The following TRAPPC9 variants were observed in gnomAD, a reference collection of about 807,000 sequenced individuals.
The protein encoded by TRAPPC9 is IKK2 binding protein.
TRAPPC9 carries 83 observed loss-of-function variants against 124.0 expected under a neutral mutation model. The observed-to-expected ratio is 0.67, with a 90% CI of 0.56 to 0.80. TRAPPC9 has a LOEUF of 0.80. Ranked by LOEUF, TRAPPC9 falls within the 30% of genes least tolerant of loss-of-function variation. The pLI is 0.00. For synonymous variants in TRAPPC9, 638 were observed against 617.5 expected, an observed-to-expected ratio of 1.03 and a Z score of -0.49; for missense variants, 1,302 against 1,508.3, an observed-to-expected ratio of 0.86 and a Z score of 2.27.
chr8:140,458,222 G>C, upstream of TRAPPC9: 1 of 1,550,714 alleles, frequency 6.4e-7, no homozygotes. Context: ...TAGGAGGAAA[G>C]CTTCTGCACC....
chr8:139,867,573 A>C (rs1828632387), intron 21 of TRAPPC9, among the ~76,000 whole-genome samples: 1 of 152,228 alleles, frequency 6.6e-6, no homozygotes, highest in Non-Finnish European at 1.5e-5. Context: ...CAAATGGTGA[A>C]ATAACCATCA....
intron 7 of TRAPPC9, among the ~76,000 whole-genome samples, chr8:140,386,805 G>A (rs909024859): frequency 1.3e-5 from 2 of 152,042 alleles, no homozygotes; most frequent in Non-Finnish European, 2.9e-5. Flanking sequence ...TCACAGAATT[G>A]GAAAAAACTA....
rs975104637 is a variant in TRAPPC9, at chr8:139,968,166, A to C, written c.2810+20560T>G. Reference sequence around the variant, plus strand: ...TCTGTCTCAAAAAAAAAACCAAAAAACAAAACAAAATAAAAAAACAAAAAA... The same window carrying C: ...TCTGTCTCAAAAAAAAAACCAAAAACCAAAACAAAATAAAAAAACAAAAAA... On this transcript the variant is annotated intron_variant, in intron 19 of 22. Transcript: ENST00000438773. Among the ~76,000 whole-genome samples the C allele has an allele frequency of 4.6e-5, 7 of 151,846 alleles. 1 individual carries two copies. Among genetic ancestry groups the C allele is most frequent in the Non-Finnish European group, 1.0e-4 (7 of 67,968 alleles).
chr8:139,896,206 C>T (rs532972451), intron 20 of TRAPPC9, among the ~76,000 whole-genome samples: 75 of 152,314 alleles, frequency 4.9e-4, no homozygotes, highest in Admixed American at 2.3e-3. Flanking sequence ...CTGAAGGCAG[C>T]GATTACAGCC....
At position 139,742,549 on chromosome 8, in the gene TRAPPC9, G is replaced by A. The variant is rs1249787084; in HGVS notation, c.3056-10347C>T. ...ATGCAATCAGGGACCAGGCAAGTCA[G>A]GGGCCACCAGAGAGGGTCAGGACCC... On this transcript the variant is annotated intron_variant, in intron 21 of 22. Transcript: ENST00000438773. This position sits in a 1 kb window ranked among gnomAD's most constrained non-coding sequence, Gnocchi z 4.7. 6.6e-6 allele frequency among the ~76,000 whole-genome samples: 1 copy of A among 152,192 alleles called. No homozygotes were observed. The highest frequency in any genetic ancestry group is 2.4e-5 in the African/African-American group (1 of 41,446).
intron 8 of TRAPPC9, among the ~76,000 whole-genome samples, chr8:140,364,292 CAA>C (rs34616334): frequency 0.032 from 1,718 of 52,976 alleles, 3 homozygotes; most frequent in Non-Finnish European, 0.056. Flanking sequence ...TCAAAGGATG[CAA>C]AAAAAAAAAA....
chr8:140,309,372 C>T (rs1282730080), intron 10 of TRAPPC9, among the ~76,000 whole-genome samples: 1 of 152,246 alleles, frequency 6.6e-6, no homozygotes, highest in Non-Finnish European at 1.5e-5. Context: ...TTCTCTACCA[C>T]GGCCACACAC....
intron 2 of TRAPPC9, among the ~76,000 whole-genome samples, chr8:140,450,554 T>C (rs904844041): frequency 2.6e-5 from 4 of 152,114 alleles, no homozygotes; most frequent in African/African-American, 9.7e-5. Context: ...GAGGGGAGTG[T>C]ACAAGACAAC....
chr8:140,162,436 G>C (rs2061767275), intron 17 of TRAPPC9, among the ~76,000 whole-genome samples: 1 of 152,204 alleles, frequency 6.6e-6, no homozygotes, highest in Admixed American at 6.5e-5. Context: ...TGATTACACT[G>C]AGTGCCTTAA....
intron 17 of TRAPPC9, among the ~76,000 whole-genome samples, chr8:140,165,920 T>C (rs997259267): frequency 6.6e-6 from 1 of 152,122 alleles, no homozygotes; most frequent in African/African-American, 2.4e-5. Context: ...CGTCTGCACT[T>C]TTCTCTGCTC....
At chr8:140,227,075 G>T (rs1192361030) in intron 16 of TRAPPC9, among the ~76,000 whole-genome samples, 2 of 152,158 alleles carry the variant, frequency 1.3e-5, no homozygotes, top group Non-Finnish European at 2.9e-5. Flanking sequence ...GGACAGGTAG[G>T]AGGCAGAAGC....
intron 8 of TRAPPC9, among the ~76,000 whole-genome samples, chr8:140,360,726 C>G (rs1231359117): frequency 6.6e-6 from 1 of 152,140 alleles, no homozygotes; most frequent in Non-Finnish European, 1.5e-5. Context: ...GATGCACAGA[C>G]AGTTGAAAAG....
intron 17 of TRAPPC9, among the ~76,000 whole-genome samples, chr8:140,086,465 G>T (rs1844189436): frequency 6.6e-6 from 1 of 152,138 alleles, no homozygotes; most frequent in Non-Finnish European, 1.5e-5. Flanking sequence ...GCCTCCCCAT[G>T]GCTCTCAGGG....
At chr8:139,741,602 C>T (rs1210385887) in intron 21 of TRAPPC9, among the ~76,000 whole-genome samples, 1 of 152,150 alleles carries the variant, frequency 6.6e-6, no homozygotes, top group Non-Finnish European at 1.5e-5. Flanking sequence ...TGTGCGACCA[C>T]AGCCCGTTTT....
At chr8:140,400,714 G>A (rs1448424315) in intron 6 of TRAPPC9, among the ~76,000 whole-genome samples, 2 of 152,110 alleles carry the variant, frequency 1.3e-5, no homozygotes, top group Non-Finnish European at 2.9e-5. Context: ...AGCCAGGAGA[G>A]CCATCCCCAC....
rs182990267 is a variant in TRAPPC9 at position 140,174,359 on chromosome 8, G to A, written c.2556+47100C>T. 1.8e-3 allele frequency among the ~76,000 whole-genome samples: 274 copies of A among 150,786 alleles called. 1 individual carries two copies. The highest frequency in any genetic ancestry group is 2.1e-3 in the Non-Finnish European group (143 of 67,686). On this transcript the variant is annotated intron_variant, in intron 17 of 22. Transcript: ENST00000438773. ...CCTGTGTAACAAACCTGCACATCCT[G>A]CACATGTACCCCCAAACGTAAAAGT...
At chr8:140,098,400 G>A (rs1459296544) in intron 17 of TRAPPC9, 1 of 150,676 alleles carries the variant, frequency 6.6e-6, no homozygotes, top group East Asian at 2.0e-4. Flanking sequence ...TTCCGCAGGG[G>A]AGGACACTCA....
In TRAPPC9 at chr8:139,864,235, T is replaced by C. The variant is rs550079674; in HGVS notation, c.3055+21644A>G. ...AAGTCCCAGCTGATCCACGTCCAAA[T>C]AGCCCATTCAATTACTCTTATCTCT... On this transcript the variant is annotated intron_variant, in intron 21 of 22. Coordinates refer to ENST00000438773, the MANE Select transcript of TRAPPC9 (RefSeq NM_001160372.4). 1.6e-4 allele frequency among the ~76,000 whole-genome samples: 24 copies of C among 152,298 alleles called. No individual in the cohort carries two copies. In the South Asian group the frequency reaches 4.8e-3, roughly 30 times the overall value.
chr8:139,812,923 A>G (rs1353838469), intron 21 of TRAPPC9, among the ~76,000 whole-genome samples: 2 of 152,214 alleles, frequency 1.3e-5, no homozygotes, highest in African/African-American at 4.8e-5. Context: ...AGGCTGGGCC[A>G]GAACGGTGCT....
Sources: allele counts gnomAD v4.1 joint callset (sites outside exome capture counted in the v4.1 genomes callset), GRCh38; gene constraint gnomAD v4.1.1; non-coding constraint Gnocchi (gnomAD v3.1); transcripts MANE v1.5; gene names NCBI Gene and HGNC (gene_info 2026-07-23, HGNC 2026-07-21).